The following TNS3 variants were observed in gnomAD, a reference collection of about 807,000 sequenced individuals.
TNS3 encodes the protein tensin 3.
TNS3 carries 45 observed loss-of-function variants against 140.9 expected under a neutral mutation model. That is an observed-to-expected ratio of 0.32 (90% CI 0.25 to 0.41). The LOEUF (loss-of-function observed/expected upper bound fraction) is 0.41. Among genes scored for constraint, TNS3 ranks in the 10% least tolerant of loss-of-function variants. The pLI, the probability that TNS3 is intolerant of heterozygous loss-of-function variation, is 1.00. For missense variants in TNS3, 1,716 were observed against 1,906.7 expected (o/e 0.90, Z 1.86); for synonymous variants, 815 against 788.4 (o/e 1.03, Z -0.56).
At chr7:47,402,077 G>A (rs560308634) in intron 13 of TNS3, among the ~76,000 whole-genome samples, 1 of 152,308 alleles carries the variant, frequency 6.6e-6, no homozygotes, top group African/African-American at 2.4e-5. Flanking sequence ...GCATGCGGGA[G>A]AATTCTGCAG....
chr7:47,340,988 G>T (rs941252628), intron 20 of TNS3, among the ~76,000 whole-genome samples: 1 of 151,892 alleles, frequency 6.6e-6, no homozygotes, highest in Non-Finnish European at 1.5e-5. Context: ...TCTTTTTTTG[G>T]ATTGACTGAT....
intron 16 of TNS3, 88 bp downstream of exon 16, chr7:47,396,712 C>A: frequency 8.9e-7 from 1 of 1,126,804 alleles, no homozygotes. Context: ...TTCTTCTTAG[C>A]AGACTGCAAA....
At chr7:47,315,560 T>C (rs769545950) in intron 20 of TNS3, among the ~76,000 whole-genome samples, 1 of 152,192 alleles carries the variant, frequency 6.6e-6, no homozygotes, top group Non-Finnish European at 1.5e-5. Context: ...ATACCACTCA[T>C]TCTCCAACGG....
chr7:47,419,779 A>G (rs947140610), intron 10 of TNS3, among the ~76,000 whole-genome samples: 1 of 152,096 alleles, frequency 6.6e-6, no homozygotes, highest in Non-Finnish European at 1.5e-5. Flanking sequence ...TGACCTGCCA[A>G]CTGTTCTCTG....
intron 1 of TNS3, among the ~76,000 whole-genome samples, chr7:47,541,358 A>G (rs1396414356): frequency 6.6e-6 from 1 of 152,100 alleles, no homozygotes; most frequent in Non-Finnish European, 1.5e-5. Context: ...GAACCAGTGC[A>G]CACACACACA....
rs566903833 is a variant in TNS3, at chr7:47,526,771, A to G, written c.-153+2265T>C. ...ATGACAGCTCTCCCAGTATCGCCCA[A>G]TGGCTCCGCTGGCACAGGACCAGGG... On this transcript the variant is annotated intron_variant, in intron 2 of 30. Transcript: ENST00000311160. Among the ~76,000 whole-genome samples the G allele has an allele frequency of 7.0e-4, 106 of 152,294 alleles. 1 individual carries two copies. The South Asian group carries it at 0.018, about 26-fold the overall frequency.
At chr7:47,398,888 C>T (rs916048762) in intron 15 of TNS3, among the ~76,000 whole-genome samples, 2 of 152,004 alleles carry the variant, frequency 1.3e-5, no homozygotes, top group Non-Finnish European at 2.9e-5. Context: ...AAAACTGTTG[C>T]TATTTGCCAA....
intron 15 of TNS3, among the ~76,000 whole-genome samples, chr7:47,398,932 C>T (rs1792988813): frequency 6.6e-6 from 1 of 151,996 alleles, no homozygotes; most frequent in African/African-American, 2.4e-5. Context: ...ACAATAAAAA[C>T]TCCTCCAAAA....
At chr7:47,509,677 G>A (rs1345924347) in intron 2 of TNS3, among the ~76,000 whole-genome samples, 1 of 151,858 alleles carries the variant, frequency 6.6e-6, no homozygotes, top group Admixed American at 6.6e-5. Context: ...TTCCTATCCT[G>A]CCGCCCACAG....
intron 2 of TNS3, among the ~76,000 whole-genome samples, chr7:47,514,239 T>C (rs540574025): frequency 6.6e-6 from 1 of 152,320 alleles, no homozygotes; most frequent in Admixed American, 6.5e-5. Flanking sequence ...ATGCCCACAT[T>C]CACTGCTCAA....
At chr7:47,489,710 C>A (rs925162427) in intron 3 of TNS3, among the ~76,000 whole-genome samples, 16 of 152,218 alleles carry the variant, frequency 1.1e-4, no homozygotes, top group Non-Finnish European at 2.1e-4. Flanking sequence ...CAAATGTGAA[C>A]CTATTGTTGG....
At chr7:47,544,013 C>G (rs1799859490) in intron 1 of TNS3, among the ~76,000 whole-genome samples, 1 of 152,184 alleles carries the variant, frequency 6.6e-6, no homozygotes, top group African/African-American at 2.4e-5. Flanking sequence ...AAAATGCTTT[C>G]CTTACAAAAT....
At chr7:47,577,993 G>A (rs1215781234) in intron 1 of TNS3, among the ~76,000 whole-genome samples, 1 of 150,478 alleles carries the variant, frequency 6.6e-6, no homozygotes, top group Non-Finnish European at 1.5e-5. Flanking sequence ...GGAGACAAAA[G>A]AGTAGTAGAC....
At chr7:47,470,932 G>A (rs528074383) in intron 4 of TNS3, among the ~76,000 whole-genome samples, 31 of 151,754 alleles carry the variant, frequency 2.0e-4, no homozygotes, top group African/African-American at 3.4e-4. Flanking sequence ...TCACATTGAC[G>A]GGTGTGTTTT....
At chr7:47,479,573 C>G (rs895609935) in intron 4 of TNS3, among the ~76,000 whole-genome samples, 28 of 151,736 alleles carry the variant, frequency 1.8e-4, no homozygotes, top group African/African-American at 6.1e-4. Flanking sequence ...CCAGCAGGGA[C>G]AGCCAGGCAG....
At chr7:47,323,408 C>T (rs1787860880) in intron 20 of TNS3, among the ~76,000 whole-genome samples, 1 of 152,122 alleles carries the variant, frequency 6.6e-6, no homozygotes, top group South Asian at 2.1e-4. Context: ...TAAAGAAATC[C>T]AGAGATGAAG....
intron 23 of TNS3, among the ~76,000 whole-genome samples, 168 bp downstream of exon 23, chr7:47,302,018 G>A (rs955978786): frequency 6.6e-6 from 1 of 152,226 alleles, no homozygotes. Flanking sequence ...CTTAAAGGTT[G>A]TAGCATGTCC....
chr7:47,331,712 T>A (rs1284175875), intron 20 of TNS3, among the ~76,000 whole-genome samples: 2 of 152,254 alleles, frequency 1.3e-5, no homozygotes, highest in South Asian at 2.1e-4. Context: ...TGTGCATATA[T>A]AAGTGCATGG....
rs577803233 is a variant in TNS3, at chr7:47,455,264, C to G, written c.-75-13209G>C. ...GAAGGGCCTAATTCACCCACCCCAGCCTGGCCAACTCTGATGGGCAAAGGG... is the reference window on the plus strand; with the variant it reads ...GAAGGGCCTAATTCACCCACCCCAGGCTGGCCAACTCTGATGGGCAAAGGG... On this transcript the variant is annotated intron_variant, in intron 4 of 30. Coordinates refer to ENST00000311160, the MANE Select transcript of TNS3 (RefSeq NM_022748.12). 1.9e-4 allele frequency among the ~76,000 whole-genome samples: 29 copies of G among 152,260 alleles called. No individual in the cohort carries two copies. In the East Asian group the frequency reaches 5.6e-3, roughly 29 times the overall value.
Sources: gnomAD v4.1 joint callset for allele counts (sites outside exome capture counted in the v4.1 genomes callset) on GRCh38, gnomAD v4.1.1 for gene constraint, MANE v1.5 for transcripts, NCBI Gene and HGNC (gene_info 2026-07-23, HGNC 2026-07-21) for gene names.